SEMA6D: variants seen among roughly 807,000 people sequenced by gnomAD.
SEMA6D encodes semaphorin-6D.
Under a neutral mutation model 106.6 loss-of-function variants are expected in SEMA6D, and 35 were observed. That is an observed-to-expected ratio of 0.33 (90% CI 0.25 to 0.44). The LOEUF (loss-of-function observed/expected upper bound fraction) is 0.44, where lower values mean the gene tolerates loss of function less well. Ranked by LOEUF, SEMA6D falls within the 20% of genes least tolerant of loss-of-function variation. SEMA6D has a pLI of 1.00. For synonymous variants in SEMA6D, 499 were observed against 487.7 expected (o/e 1.02, Z -0.31); for missense variants, 1,185 against 1,345.9 (o/e 0.88, Z 1.87).
chr15:47,612,770 A>T (rs531314608), intron 4 of SEMA6D, among the ~76,000 whole-genome samples: 29 of 149,096 alleles, frequency 1.9e-4, no homozygotes, highest in African/African-American at 5.9e-4. Context: ...TTTATTTTTT[A>T]TTTTTTTTTT....
rs182186684 is a variant in SEMA6D, at chr15:47,397,026, A to G, written c.-238-15367A>G. 2.0e-5 allele frequency among the ~76,000 whole-genome samples: 3 copies of G among 152,284 alleles called. No homozygotes were observed. In the East Asian group the frequency reaches 5.8e-4, roughly 29 times the overall value. ...TATTTCAAGACCACAGAACATTACA[A>G]CAAGTGTGGGGTCCTCTTGGGCCTA... On this transcript the variant is annotated intron_variant, in intron 1 of 19. Coordinates refer to the SEMA6D transcript ENST00000558014.
At chr15:47,614,299 C>T (rs764856789) in intron 4 of SEMA6D, among the ~76,000 whole-genome samples, 4 of 152,326 alleles carry the variant, frequency 2.6e-5, no homozygotes, top group Middle Eastern at 3.4e-3. Context: ...ACACCTCATG[C>T]AGCACACTTA....
chr15:47,205,255 C>T (rs181223656), intron 1 of SEMA6D, among the ~76,000 whole-genome samples: 186 of 152,190 alleles, frequency 1.2e-3, no homozygotes, highest in African/African-American at 4.3e-3. Context: ...ATTGTCTTCT[C>T]CTTTTTGCTC....
At chr15:47,336,243 G>A (rs1318366106) in intron 1 of SEMA6D, among the ~76,000 whole-genome samples, 1 of 152,176 alleles carries the variant, frequency 6.6e-6, no homozygotes, top group Non-Finnish European at 1.5e-5. Flanking sequence ...AATGGACATG[G>A]TAACTGATTG....
chr15:47,298,315 C>T (rs1402643609), intron 1 of SEMA6D, among the ~76,000 whole-genome samples: 2 of 151,746 alleles, frequency 1.3e-5, no homozygotes, highest in Non-Finnish European at 2.9e-5. Flanking sequence ...TCAATATAGA[C>T]AAAACAGGTT....
intron 1 of SEMA6D, among the ~76,000 whole-genome samples, chr15:47,728,545 G>A (rs2079911294): frequency 6.6e-6 from 1 of 152,148 alleles, no homozygotes; most frequent in South Asian, 2.1e-4. Flanking sequence ...TCATTTTATA[G>A]ATGAGGACAC....
intron 1 of SEMA6D, among the ~76,000 whole-genome samples, chr15:47,341,422 G>A (rs1005227669): frequency 6.6e-6 from 1 of 151,954 alleles, no homozygotes; most frequent in Non-Finnish European, 1.5e-5. Flanking sequence ...CAAACATAGA[G>A]TTAAAAATGA....
rs1171443696 is a variant in SEMA6D at position 47,771,122 on chromosome 15, T to A, written c.2559T>A (p.Leu853=). 1 of 1,614,052 alleles carries A rather than the reference T, an allele frequency of 6.2e-7. No homozygotes were observed. Among genetic ancestry groups the A allele is most frequent in the Admixed American group, 1.7e-5 (1 of 60,000 alleles). Residue 853 remains leucine, a synonymous_variant, in exon 19 of 19, where the codon CTT becomes CTA. Transcript: ENST00000536845. ...NSNAHKAEKK[L]QNIDHPLTKS... ...ATGCTCACAAAGCTGAAAAGAAGCT[T>A]CAAAACATTGATCACCCTCTCACAA...
At chr15:47,528,373 A>G (rs189257670) in intron 3 of SEMA6D, among the ~76,000 whole-genome samples, 27 of 152,290 alleles carry the variant, frequency 1.8e-4, no homozygotes, top group Middle Eastern at 6.8e-3. Flanking sequence ...TTTTTAAGGT[A>G]ACCAAGAGTA....
intron 4 of SEMA6D, among the ~76,000 whole-genome samples, chr15:47,663,135 C>G (rs546569752): frequency 1.1e-4 from 16 of 152,252 alleles, no homozygotes; most frequent in Non-Finnish European, 1.9e-4. Flanking sequence ...TATAAGGCAT[C>G]TAACAGTGTA....
At chr15:47,379,132 G>A (rs375054607) in intron 1 of SEMA6D, among the ~76,000 whole-genome samples, 3 of 152,182 alleles carry the variant, frequency 2.0e-5, no homozygotes, top group African/African-American at 7.2e-5. Context: ...CGGTTAACTG[G>A]TTAAGACGTC....
chr15:47,210,619 G>A (rs543810333), intron 1 of SEMA6D, among the ~76,000 whole-genome samples: 21 of 151,928 alleles, frequency 1.4e-4, no homozygotes, highest in South Asian at 1.0e-3. Flanking sequence ...ACAAAAATCC[G>A]TGGCGCGTGG....
In SEMA6D at chr15:47,760,343, G is replaced by C; in HGVS notation, c.149G>C (p.Gly50Ala). 4 of 1,613,644 alleles carry C rather than the reference G, an allele frequency of 2.5e-6. No individual in the cohort carries two copies. The highest frequency in any genetic ancestry group is 3.4e-6 in the Non-Finnish European group (4 of 1,179,682). Residue 50 changes from glycine (G) to alanine (A), a missense_variant, in exon 3 of 19, where the codon GGC becomes GCC. Gly to Ala is a moderately conservative substitution (Grantham distance 60). Coordinates refer to ENST00000536845, the MANE Select transcript of SEMA6D (RefSeq NM_001358351.3). The part of the protein sequence containing the change: ...QYPVFRGRPS[G>A]NESQHRLDFQ... ...CCGGTTTTTAGAGGACGCCCTTCAGGCAATGAATCGCAGCACAGGCTGGAC... is the reference window on the plus strand; with the variant it reads ...CCGGTTTTTAGAGGACGCCCTTCAGCCAATGAATCGCAGCACAGGCTGGAC...
chr15:47,337,734 G>A (rs981779971), intron 1 of SEMA6D, among the ~76,000 whole-genome samples: 1 of 152,148 alleles, frequency 6.6e-6, no homozygotes, highest in African/African-American at 2.4e-5. Context: ...TCATGAGTGT[G>A]CTCACACTCA....
At chr15:47,209,397 C>CAAATGCTAGAGG (rs1263862568) in intron 1 of SEMA6D, among the ~76,000 whole-genome samples, 3 of 152,106 alleles carry the variant, frequency 2.0e-5, no homozygotes. Context: ...TCAAAGAGTA[C>CAAATGCTAGAGG]AGTTTTGCAA....
chr15:47,497,200 C>T (rs34890167), intron 3 of SEMA6D, among the ~76,000 whole-genome samples: 48,348 of 151,806 alleles, frequency 0.32, 7,872 homozygotes, highest in Middle Eastern at 0.45. Flanking sequence ...TCTCTGTGTT[C>T]GATTCTATTT....
At chr15:47,451,257 G>T (rs1447971766) in intron 2 of SEMA6D, among the ~76,000 whole-genome samples, 1 of 152,002 alleles carries the variant, frequency 6.6e-6, no homozygotes, top group African/African-American at 2.4e-5. Context: ...CAGGAGCCCT[G>T]TGAACCCAAA....
chr15:47,559,290 A>G (rs1051403201), intron 3 of SEMA6D, among the ~76,000 whole-genome samples: 1 of 152,130 alleles, frequency 6.6e-6, no homozygotes, highest in African/African-American at 2.4e-5. Flanking sequence ...CAACTATAAA[A>G]CTGGACAAAA....
intron 3 of SEMA6D, among the ~76,000 whole-genome samples, chr15:47,539,596 T>C (rs566818864): frequency 6.6e-6 from 1 of 152,124 alleles, no homozygotes; most frequent in Non-Finnish European, 1.5e-5. Flanking sequence ...GGCTAATTTT[T>C]GTATTTTTAG....
Sources: gnomAD v4.1 joint callset for allele counts (sites outside exome capture counted in the v4.1 genomes callset) on GRCh38, gnomAD v4.1.1 for gene constraint, MANE v1.5 for transcripts, NCBI Gene and HGNC (gene_info 2026-07-23, HGNC 2026-07-21) for gene names.